The following COL6A5 variants were observed in gnomAD, a reference collection of about 807,000 sequenced individuals.
COL6A5 encodes collagen alpha-5(VI) chain.
In COL6A5, 48 loss-of-function variants were observed where a neutral mutation model predicts 65.6. The ratio of observed to expected loss-of-function variants is 0.73; its 90% confidence interval spans 0.58 to 0.93. The LOEUF (loss-of-function observed/expected upper bound fraction) is 0.93, where lower values mean the gene tolerates loss of function less well. Ranked by LOEUF, COL6A5 falls within the 40% of genes least tolerant of loss-of-function variation. COL6A5 has a pLI of 0.00. For missense variants in COL6A5, 914 were observed against 928.3 expected (o/e 0.98, Z 0.20); for synonymous variants, 291 against 322.8 (o/e 0.90, Z 1.05).
exon 3 of COL6A5, chr3:130,440,714 G>C: frequency 1.2e-6 from 2 of 1,613,332 alleles, no homozygotes; most frequent in Non-Finnish European, 1.7e-6. Flanking sequence ...TGACATGGAG[G>C]AGTTAGCCAG....
exon 8 of COL6A5, chr3:130,395,095 C>G: frequency 1.3e-6 from 2 of 1,551,534 alleles, no homozygotes; most frequent in East Asian, 2.4e-5. Context: ...TGACTAAAAC[C>G]CAGTGGAAGA....
At chr3:130,355,801 A>G (rs1467463267) in intron 1 of COL6A5, among the ~76,000 whole-genome samples, 1 of 152,098 alleles carries the variant, frequency 6.6e-6, no homozygotes, top group African/African-American at 2.4e-5. Context: ...TTTGTAATAT[A>G]AAATAGAAAG....
intron 3 of COL6A5, among the ~76,000 whole-genome samples, chr3:130,377,066 A>G (rs1409142645): frequency 6.6e-6 from 1 of 152,136 alleles, no homozygotes; most frequent in Non-Finnish European, 1.5e-5. Context: ...AACTCCTGTC[A>G]TCATTTAAAT....
intron 1 of COL6A5, among the ~76,000 whole-genome samples, chr3:130,364,762 G>A (rs1935269831): frequency 6.6e-6 from 1 of 152,196 alleles, no homozygotes; most frequent in Non-Finnish European, 1.5e-5. Context: ...GTTCTGCAAA[G>A]TTGCAGCAGG....
chr3:130,413,457 C>CAA, intron 20 of COL6A5, 88 bp from the exon 21 acceptor site: 1 of 1,219,202 alleles, frequency 8.2e-7, no homozygotes, highest in Non-Finnish European at 1.2e-6. Flanking sequence ...TTACTTATGT[C>CAA]TAGCAGAGAA....
At chr3:130,398,512 G>T (rs1936696537) in intron 10 of COL6A5, among the ~76,000 whole-genome samples, 1 of 152,174 alleles carries the variant, frequency 6.6e-6, no homozygotes, top group African/African-American at 2.4e-5. Flanking sequence ...CTTGAGATCT[G>T]CCTAGCTACT....
intron 27 of COL6A5, among the ~76,000 whole-genome samples, chr3:130,421,941 G>A (rs1172090037): frequency 6.6e-6 from 1 of 151,966 alleles, no homozygotes; most frequent in East Asian, 1.9e-4. Context: ...AGTAGCTTAA[G>A]TTATGTCTGT....
chr3:130,482,314 T>A (rs908524607), intron 7 of COL6A5, among the ~76,000 whole-genome samples: 2 of 152,186 alleles, frequency 1.3e-5, no homozygotes, highest in Non-Finnish European at 2.9e-5. Flanking sequence ...CCTTTCCCCA[T>A]TTCTTGTTTT....
intron 5 of COL6A5, among the ~76,000 whole-genome samples, chr3:130,465,341 C>T (rs541495970): frequency 6.6e-6 from 1 of 152,134 alleles, no homozygotes; most frequent in African/African-American, 2.4e-5. Flanking sequence ...AAAGTATTGA[C>T]AGCACATGCA....
chr3:130,345,813 CCAGGGCGTGCGGCGCGG>C (rs1934442964), exon 1 of COL6A5: 9 of 934 alleles, frequency 9.6e-3, no homozygotes, highest in Non-Finnish European at 0.043. Flanking sequence ...GCGGCGCGGA[CCAGGGCGTGCGGCGCGG>C]ACCAGGGCTT....
chr3:130,393,172 C>T, intron 7 of COL6A5, among the ~76,000 whole-genome samples: 1 of 151,814 alleles, frequency 6.6e-6, no homozygotes, highest in East Asian at 1.9e-4. Flanking sequence ...AGCCCCTGCC[C>T]ACCTCGCCAA....
At chr3:130,424,730 C>T (rs1228851369) in intron 29 of COL6A5, among the ~76,000 whole-genome samples, 1 of 152,090 alleles carries the variant, frequency 6.6e-6, no homozygotes, top group Non-Finnish European at 1.5e-5. Context: ...TGTAAGGATA[C>T]TCTGATACAA....
At chr3:130,484,751 G>A (rs533702304) in exon 8 of COL6A5, 22 of 398,796 alleles carry the variant, frequency 5.5e-5, no homozygotes, top group South Asian at 1.3e-4. Context: ...AAAGAATTAC[G>A]GAAAAGCACA....
intron 7 of COL6A5, among the ~76,000 whole-genome samples, chr3:130,478,239 G>A (rs781030991): frequency 3.9e-5 from 6 of 152,186 alleles, no homozygotes; most frequent in East Asian, 1.9e-4. Context: ...ATTTAAAATC[G>A]TGATCATGTT....
chr3:130,379,131 G>C (rs1027430722), intron 3 of COL6A5, among the ~76,000 whole-genome samples: 1 of 152,010 alleles, frequency 6.6e-6, no homozygotes, highest in Non-Finnish European at 1.5e-5. Flanking sequence ...TCATACAAGT[G>C]GTGATGGCGG....
exon 1 of COL6A5, chr3:130,431,701 C>T: frequency 3.2e-6 from 5 of 1,551,600 alleles, no homozygotes; most frequent in Non-Finnish European, 4.4e-6. Context: ...CCTCCAGCAG[C>T]TTTCCCAAAT....
At chr3:130,403,511 T>G in intron 12 of COL6A5, 98 bp from the exon 13 acceptor site, 3 of 1,005,012 alleles carry the variant, frequency 3.0e-6, no homozygotes, top group Non-Finnish European at 3.0e-6. Context: ...TGCAACCAAG[T>G]TGGAGGAAGG....
chr3:130,399,025 A>G (rs758731220), intron 10 of COL6A5, among the ~76,000 whole-genome samples: 4 of 152,236 alleles, frequency 2.6e-5, no homozygotes, highest in Non-Finnish European at 5.9e-5. Context: ...TTCTCGCTAT[A>G]TATTTTCTGT....
chr3:130,387,391 A>G (rs115755750), intron 5 of COL6A5, among the ~76,000 whole-genome samples: 4 of 152,140 alleles, frequency 2.6e-5, no homozygotes, highest in Non-Finnish European at 5.9e-5. Context: ...ACCAGGAAGT[A>G]GATCCTGTGA....
Sources: allele counts gnomAD v4.1 joint callset (sites outside exome capture counted in the v4.1 genomes callset), GRCh38; gene constraint gnomAD v4.1.1; transcripts MANE v1.5; gene names NCBI Gene and HGNC (gene_info 2026-07-23, HGNC 2026-07-21).